Variants in KLHL32 observed in about 807,000 individuals in gnomAD.
KLHL32 encodes the protein kelch like family member 32.
In KLHL32, 35 loss-of-function variants were observed where a neutral mutation model predicts 64.8. The observed-to-expected ratio is 0.54, with a 90% CI of 0.41 to 0.72. KLHL32 has a LOEUF of 0.72. Among genes scored for constraint, KLHL32 ranks in the 30% least tolerant of loss-of-function variants. The pLI, the probability that KLHL32 is intolerant of heterozygous loss-of-function variation, is 0.00. For synonymous variants in KLHL32, 259 were observed against 281.0 expected (o/e 0.92, Z 0.78); for missense variants, 589 against 768.5 (o/e 0.77, Z 2.76).
chr6:97,081,143 G>C (rs1792439106), intron 5 of KLHL32, among the ~76,000 whole-genome samples: 1 of 152,194 alleles, frequency 6.6e-6, no homozygotes. Flanking sequence ...GGAAGCCCCA[G>C]GGTTGGTGAG....
intron 3 of KLHL32, among the ~76,000 whole-genome samples, chr6:96,991,347 A>C (rs1777850688): frequency 6.6e-6 from 1 of 152,072 alleles, no homozygotes; most frequent in African/African-American, 2.4e-5. Context: ...GTGGGAGCTC[A>C]CAGAGAAGAG....
chr6:96,973,685 G>A (rs539447311), intron 2 of KLHL32, among the ~76,000 whole-genome samples: 1 of 148,006 alleles, frequency 6.8e-6, no homozygotes. Flanking sequence ...GACTTACATG[G>A]TTTTTTCCCC....
chr6:96,942,929 C>T (rs143758559), intron 1 of KLHL32, among the ~76,000 whole-genome samples: 415 of 152,066 alleles, frequency 2.7e-3, no homozygotes, highest in Non-Finnish European at 4.6e-3. Flanking sequence ...CTCTTGCCCA[C>T]ATGCCACAGT....
At chr6:97,106,707 G>C (rs988491444) in intron 6 of KLHL32, among the ~76,000 whole-genome samples, 4 of 151,074 alleles carry the variant, frequency 2.6e-5, no homozygotes, top group African/African-American at 9.8e-5. Flanking sequence ...TTGCGCCACT[G>C]CACTCCACTC....
At chr6:97,044,148 G>A (rs898451403) in intron 4 of KLHL32, among the ~76,000 whole-genome samples, 4 of 151,884 alleles carry the variant, frequency 2.6e-5, no homozygotes, top group African/African-American at 9.7e-5. Context: ...GGCCTTTATT[G>A]TATTGATATA....
the KLHL32 span, among the ~76,000 whole-genome samples, chr6:96,901,684 T>C: frequency 5.3e-5 from 8 of 152,184 alleles, no homozygotes; most frequent in African/African-American, 1.9e-4. Context: ...ATCACCCAGG[T>C]ATTAAGCCCA....
At chr6:96,981,793 T>A (rs1442029385) in intron 3 of KLHL32, among the ~76,000 whole-genome samples, 3 of 152,184 alleles carry the variant, frequency 2.0e-5, no homozygotes, top group Non-Finnish European at 4.4e-5. Context: ...GACTTCTACC[T>A]TAATTTCATT....
At chr6:96,995,083 A>G (rs1778275923) in intron 3 of KLHL32, among the ~76,000 whole-genome samples, 1 of 152,176 alleles carries the variant, frequency 6.6e-6, no homozygotes, top group Admixed American at 6.5e-5. Flanking sequence ...TTTTTCATCT[A>G]TACATTGATA....
chr6:97,091,511 C>T (rs1794225098), intron 6 of KLHL32, among the ~76,000 whole-genome samples: 1 of 152,210 alleles, frequency 6.6e-6, no homozygotes, highest in Non-Finnish European at 1.5e-5. Flanking sequence ...TGTCATGGGC[C>T]TGACAGTGTC....
At chr6:97,115,310 C>T (rs923456632) in intron 7 of KLHL32, among the ~76,000 whole-genome samples, 1 of 152,210 alleles carries the variant, frequency 6.6e-6, no homozygotes, top group Non-Finnish European at 1.5e-5. Context: ...GCCACTGTGC[C>T]CAGCCTAAAA....
rs369141043 is a variant in KLHL32, at chr6:97,019,094, C to G, written c.205-22398C>G. On this transcript the variant is annotated intron_variant, in intron 3 of 10. Transcript: ENST00000369261. The stretch of plus-strand genomic sequence containing the variant: ...ATCTGTAACAAAATTGATAATCTAG[C>G]CTCCTCCTATCATATACTTGCAATT... Among the ~76,000 whole-genome samples the G allele has an allele frequency of 9.7e-4, 148 of 152,248 alleles. 4 individuals are homozygous for G. In the South Asian group the frequency reaches 0.027, roughly 28 times the overall value.
At chr6:97,062,230 G>A (rs918022157) in intron 4 of KLHL32, 4 of 152,140 alleles carry the variant, frequency 2.6e-5, no homozygotes, top group Non-Finnish European at 5.9e-5. Flanking sequence ...AGTGAGCCTT[G>A]GAGGTTATCA....
At chr6:97,126,444 A>C (rs2128219396) in intron 7 of KLHL32, among the ~76,000 whole-genome samples, 1 of 152,206 alleles carries the variant, frequency 6.6e-6, no homozygotes, top group East Asian at 1.9e-4. Context: ...AAGTATGAAA[A>C]GAAGTATGAG....
chr6:96,964,751 T>C (rs978016744), intron 1 of KLHL32, among the ~76,000 whole-genome samples: 4 of 152,188 alleles, frequency 2.6e-5, no homozygotes, highest in Admixed American at 6.5e-5. Context: ...ATGGAGGATA[T>C]AGGGAATAAT....
intron 5 of KLHL32, among the ~76,000 whole-genome samples, chr6:97,070,182 T>A (rs1408261416): frequency 6.6e-6 from 1 of 152,122 alleles, no homozygotes; most frequent in Non-Finnish European, 1.5e-5. Flanking sequence ...AGCTGAGGCT[T>A]TTGTGTTTGG....
rs542920190 is a variant in KLHL32 at position 97,022,937 on chromosome 6, G to A, written c.205-18555G>A. ...TACAATCATGGCATAAGGCGAAGAG[G>A]AGGCAAGCACTTTCTTCACAAGGTG... On this transcript the variant is annotated intron_variant, in intron 3 of 10. Transcript: ENST00000369261. Among the ~76,000 whole-genome samples the A allele has an allele frequency of 2.0e-5, 3 of 152,332 alleles. No homozygotes were observed. The South Asian group carries it at 6.2e-4, about 32-fold the overall frequency.
chr6:97,093,587 A>G (rs1207837754), intron 6 of KLHL32, among the ~76,000 whole-genome samples: 1 of 152,184 alleles, frequency 6.6e-6, no homozygotes, highest in Non-Finnish European at 1.5e-5. Context: ...GACATTTCCT[A>G]ATACATTACC....
At chr6:97,023,102 CAT>C (rs1456195985) in intron 3 of KLHL32, among the ~76,000 whole-genome samples, 2 of 152,182 alleles carry the variant, frequency 1.3e-5, no homozygotes, top group Non-Finnish European at 2.9e-5. Flanking sequence ...TCTCCCTTGA[CAT>C]GTGGGGATTA....
Position 97,100,966 on chromosome 6 carries a change from CTTT to C in KLHL32, c.628-12798_628-12796del, listed in dbSNP as rs58422496. On this transcript the variant is annotated intron_variant, in intron 6 of 10. Coordinates refer to ENST00000369261, the MANE Select transcript of KLHL32 (RefSeq NM_052904.4). ...ACAGGCATGTGCCACTGCAGCCAAG[CTTT>C]TTTTTTTTTTTTTTTTTTGGTAGAG... Among the ~76,000 whole-genome samples the C allele has an allele frequency of 2.9e-3, 199 of 69,458 alleles. 2 individuals carry two copies. The highest frequency in any genetic ancestry group is 0.01 in the African/African-American group (146 of 14,092). 45.6% of individuals were successfully genotyped at this position (69,458 alleles called of 152,430 possible).
Sources: gnomAD v4.1 joint callset for allele counts (sites outside exome capture counted in the v4.1 genomes callset) on GRCh38, gnomAD v4.1.1 for gene constraint, MANE v1.5 for transcripts, NCBI Gene and HGNC (gene_info 2026-07-23, HGNC 2026-07-21) for gene names.